AP1B1: variants seen among roughly 807,000 people sequenced by gnomAD.
AP1B1 encodes adaptor related protein complex 1 subunit beta 1.
Under a neutral mutation model 104.3 loss-of-function variants are expected in AP1B1, and 36 were observed. The observed-to-expected ratio is 0.35, with a 90% CI of 0.26 to 0.46. The LOEUF is 0.46. AP1B1 is among the 20% of genes least tolerant of loss of function. The pLI is 1.00. For synonymous variants in AP1B1, 504 were observed against 517.5 expected, an observed-to-expected ratio of 0.97 and a Z score of 0.35; for missense variants, 901 against 1,247.9, an observed-to-expected ratio of 0.72 and a Z score of 4.19.
chr22:29,338,490 T>C (rs1451068900), intron 16 of AP1B1, among the ~76,000 whole-genome samples: 4 of 152,248 alleles, frequency 2.6e-5, no homozygotes, highest in Non-Finnish European at 5.9e-5. Context: ...CATACACTTG[T>C]ATTCTCTCCC....
chr22:29,334,129 GA>G, intron 17 of AP1B1, 135 bp downstream of exon 17: 1 of 1,016,408 alleles, frequency 9.8e-7, no homozygotes, highest in Non-Finnish European at 1.4e-6. Context: ...CGGTGGTGGG[GA>G]ACATCCTTCA....
chr22:29,366,799 C>A (rs1358991613), intron 2 of AP1B1, among the ~76,000 whole-genome samples: 1 of 143,298 alleles, frequency 7.0e-6, no homozygotes, highest in Admixed American at 7.1e-5. Flanking sequence ...AACTCCGTCT[C>A]AAAAAAAAAG....
At chr22:29,358,544 A>C (rs568709707) in intron 5 of AP1B1, among the ~76,000 whole-genome samples, 182 bp downstream of exon 5, 2 of 152,296 alleles carry the variant, frequency 1.3e-5, no homozygotes, top group South Asian at 4.1e-4. Flanking sequence ...GGAGAAGGGA[A>C]TCTAGGTCTA....
chr22:29,358,535 G>T (rs1003912967), intron 5 of AP1B1, among the ~76,000 whole-genome samples, 191 bp downstream of exon 5: 1 of 152,192 alleles, frequency 6.6e-6, no homozygotes, highest in Non-Finnish European at 1.5e-5. Context: ...AGAGGGTGAG[G>T]AGAAGGGAAT....
intron 19 of AP1B1, among the ~76,000 whole-genome samples, 170 bp downstream of exon 19, chr22:29,331,279 G>A (rs2061553011): frequency 6.6e-6 from 1 of 152,154 alleles, no homozygotes; most frequent in Non-Finnish European, 1.5e-5. Flanking sequence ...CTAAGGCCGG[G>A]GGGGTCCTGG....
intron 3 of AP1B1, among the ~76,000 whole-genome samples, chr22:29,361,733 G>T (rs1163771733): frequency 1.3e-5 from 2 of 151,902 alleles, no homozygotes; most frequent in Non-Finnish European, 2.9e-5. Flanking sequence ...GACAGCAAAT[G>T]CTTTGAGTTT....
chr22:29,382,671 C>A (rs1213121294), intron 1 of AP1B1, among the ~76,000 whole-genome samples: 5 of 152,144 alleles, frequency 3.3e-5, no homozygotes, highest in Admixed American at 6.5e-5. Flanking sequence ...CATAGAAGGC[C>A]TCCTTGAGAA....
intron 7 of AP1B1, among the ~76,000 whole-genome samples, chr22:29,353,420 C>T (rs370780360): frequency 9.9e-5 from 15 of 152,112 alleles, no homozygotes; most frequent in African/African-American, 3.6e-4. Context: ...GTCTCAGTGA[C>T]GTGGACAAAT....
Position 29,330,437 on chromosome 22 carries a change from T to C in AP1B1, c.2707A>G (p.Thr903Ala). ...QDMLYQSLKL[T>A]NGIWVLAELR... The stretch of plus-strand genomic sequence containing the variant: ...TCCGCCAGCACCCAGATGCCGTTGG[T>C]CAGCTTCAGGGACTGGTAGAGCATG... Residue 903 changes from threonine to alanine, a missense_variant, in exon 21 of 23, where the codon ACC becomes GCC. Coordinates refer to ENST00000357586, the MANE Select transcript of AP1B1 (RefSeq NM_001127.4). 2.5e-6 allele frequency: 4 copies of C among 1,613,886 alleles called. No homozygotes were observed. The highest frequency in any genetic ancestry group is 3.4e-6 in the Non-Finnish European group (4 of 1,179,980).
chr22:29,370,559 G>C (rs1404781624), intron 1 of AP1B1: 1 of 152,036 alleles, frequency 6.6e-6, no homozygotes, highest in Non-Finnish European at 1.5e-5. Flanking sequence ...TGCCTCTCCA[G>C]AAGAAAAAGC....
At position 29,358,981 on chromosome 22, in the gene AP1B1, A is replaced by T; in HGVS notation, c.280-10T>A. ...TGGGGTCCTCACAGTCCTGGGGGGA[A>T]CCAGCCATCGGCCAGGGCAGGGGTG... On this transcript the variant is annotated splice_polypyrimidine_tract_variant and intron_variant, in intron 4 of 22. Coordinates refer to ENST00000357586, the MANE Select transcript of AP1B1 (RefSeq NM_001127.4). 4 of 1,599,408 alleles carry T rather than the reference A, an allele frequency of 2.5e-6. No individual in the cohort carries two copies. The highest frequency in any genetic ancestry group is 1.7e-4 in the Middle Eastern group (1 of 5,866).
intron 8 of AP1B1, 83 bp from the exon 9 acceptor site, chr22:29,351,349 G>A (rs1283006343): frequency 7.1e-6 from 10 of 1,403,274 alleles, no homozygotes; most frequent in South Asian, 2.3e-5. Flanking sequence ...AATATACACA[G>A]ACTCCCTAGG....
At chr22:29,384,383 T>C (rs968698554) in intron 1 of AP1B1, among the ~76,000 whole-genome samples, 1 of 152,192 alleles carries the variant, frequency 6.6e-6, no homozygotes, top group African/African-American at 2.4e-5. Flanking sequence ...CCTGTCTCTA[T>C]GAGGTGACAT....
intron 1 of AP1B1, among the ~76,000 whole-genome samples, chr22:29,383,355 T>C (rs1602833856): frequency 6.6e-6 from 1 of 152,128 alleles, no homozygotes; most frequent in Non-Finnish European, 1.5e-5. Flanking sequence ...CCAAGTCTAT[T>C]CCTCTATGGA....
chr22:29,360,333 A>G (rs1472688335), intron 3 of AP1B1, among the ~76,000 whole-genome samples: 1 of 151,882 alleles, frequency 6.6e-6, no homozygotes, highest in Non-Finnish European at 1.5e-5. Flanking sequence ...CGCAACAGAA[A>G]CTCACTTCAC....
intron 22 of AP1B1, 159 bp from the exon 23 acceptor site, chr22:29,329,054 G>A (rs911386363): frequency 9.1e-6 from 13 of 1,434,496 alleles, no homozygotes; most frequent in Non-Finnish European, 1.2e-5. Flanking sequence ...TAAAGCGGAG[G>A]GGGCGGCTGT....
intron 17 of AP1B1, chr22:29,332,237 C>A (rs1465178265): frequency 2.7e-5 from 7 of 259,816 alleles, no homozygotes; most frequent in African/African-American, 1.3e-4. Flanking sequence ...CCTGTCCTGC[C>A]CTCAAGGAGC....
At chr22:29,348,718 T>G (rs1185854945) in intron 11 of AP1B1, among the ~76,000 whole-genome samples, 2 of 152,174 alleles carry the variant, frequency 1.3e-5, no homozygotes, top group African/African-American at 4.8e-5. Flanking sequence ...AGAAGCACCA[T>G]GAAAAATAAG....
At chr22:29,371,587 CG>C (rs1293015629) in intron 1 of AP1B1, among the ~76,000 whole-genome samples, 2 of 151,996 alleles carry the variant, frequency 1.3e-5, no homozygotes, top group African/African-American at 4.8e-5. Context: ...AAAAATTAGC[CG>C]GGTGTGGTGG....
Sources: gnomAD v4.1 joint callset for allele counts (sites outside exome capture counted in the v4.1 genomes callset) on GRCh38, gnomAD v4.1.1 for gene constraint, MANE v1.5 for transcripts, NCBI Gene and HGNC (gene_info 2026-07-23, HGNC 2026-07-21) for gene names.